Variants in TXNRD1 observed in about 807,000 individuals in gnomAD.
The protein encoded by TXNRD1 is thioredoxin reductase 1, cytoplasmic.
Under a neutral mutation model 80.3 loss-of-function variants are expected in TXNRD1, and 57 were observed. The observed-to-expected ratio is 0.71, with a 90% CI of 0.57 to 0.89. The LOEUF (loss-of-function observed/expected upper bound fraction) is 0.89, where lower values mean the gene tolerates loss of function less well. Ranked by LOEUF, TXNRD1 falls within the 40% of genes least tolerant of loss-of-function variation. The pLI, the probability that TXNRD1 is intolerant of heterozygous loss-of-function variation, is 0.00. For missense variants in TXNRD1, 730 were observed against 803.0 expected, an observed-to-expected ratio of 0.91 and a Z score of 1.10; for synonymous variants, 291 against 285.2, an observed-to-expected ratio of 1.02 and a Z score of -0.20.
At chr12:104,344,186 G>A (rs1320989506) in intron 16 of TXNRD1, among the ~76,000 whole-genome samples, 2 of 152,198 alleles carry the variant, frequency 1.3e-5, no homozygotes, top group African/African-American at 4.8e-5. Context: ...AGAGTTCCTG[G>A]CATTTAATAG....
intron 3 of TXNRD1, among the ~76,000 whole-genome samples, chr12:104,286,449 T>C (rs2033972540): frequency 6.6e-6 from 1 of 152,244 alleles, no homozygotes; most frequent in Non-Finnish European, 1.5e-5. Flanking sequence ...GTCATTTCTT[T>C]TCAGGATTAG....
intron 15 of TXNRD1, among the ~76,000 whole-genome samples, chr12:104,338,136 A>G (rs367697321): frequency 5.3e-5 from 8 of 151,796 alleles, no homozygotes; most frequent in African/African-American, 9.6e-5. Flanking sequence ...GGTCCCAGCT[A>G]TTACAGATAG....
rs2036449586 is a variant in TXNRD1, at chr12:104,345,112, G to A, written c.1882-3241G>A. Among the ~76,000 whole-genome samples, 5 of 152,270 alleles carry A rather than the reference G, an allele frequency of 3.3e-5. No homozygotes were observed. In the South Asian group the frequency reaches 1.0e-3, roughly 32 times the overall value. ...TAGAAGGCTAGAAACGAAGAAGAAA[G>A]TTTAGAAATTTTAACAATAATTTGA... On this transcript the variant is annotated intron_variant, in intron 16 of 16. Coordinates refer to ENST00000525566, the MANE Select transcript of TXNRD1 (RefSeq NM_001093771.3).
At chr12:104,235,575 G>A (rs1774294243) in intron 1 of TXNRD1, among the ~76,000 whole-genome samples, 1 of 152,144 alleles carries the variant, frequency 6.6e-6, no homozygotes, top group Non-Finnish European at 1.5e-5. Context: ...CAGTAAAAGG[G>A]ATAATAAGGA....
chr12:104,334,838 A>G (rs1324588334), intron 15 of TXNRD1, among the ~76,000 whole-genome samples: 1 of 152,226 alleles, frequency 6.6e-6, no homozygotes, highest in Non-Finnish European at 1.5e-5. Context: ...CACTTAGTCA[A>G]CAGGCAGCCA....
intron 2 of TXNRD1, among the ~76,000 whole-genome samples, chr12:104,255,717 C>T (rs1247046138): frequency 6.6e-6 from 1 of 152,034 alleles, no homozygotes; most frequent in Non-Finnish European, 1.5e-5. Context: ...TGCTTGAACC[C>T]GGGAGGCAGA....
At chr12:104,235,283 G>T (rs569312928) in intron 1 of TXNRD1, among the ~76,000 whole-genome samples, 2 of 152,292 alleles carry the variant, frequency 1.3e-5, no homozygotes, top group African/African-American at 4.8e-5. Context: ...AAATGGAGCA[G>T]GGGTGGGGGC....
intron 13 of TXNRD1, among the ~76,000 whole-genome samples, chr12:104,328,572 T>A (rs1375450451): frequency 6.6e-6 from 1 of 152,084 alleles, no homozygotes; most frequent in Non-Finnish European, 1.5e-5. Flanking sequence ...CTGGCTAACA[T>A]GGTGAAACCC....
intron 2 of TXNRD1, among the ~76,000 whole-genome samples, chr12:104,257,462 A>G (rs2033282085): frequency 7.4e-6 from 1 of 134,982 alleles, no homozygotes; most frequent in African/African-American, 2.9e-5. Flanking sequence ...GCTGGAGTGC[A>G]GTGGTACAAT....
chr12:104,263,396 G>A (rs544851095), intron 3 of TXNRD1, among the ~76,000 whole-genome samples: 1 of 152,188 alleles, frequency 6.6e-6, no homozygotes, highest in African/African-American at 2.4e-5. Context: ...TAATGTTCAT[G>A]GTGTCGATAT....
At chr12:104,291,123 A>C in intron 4 of TXNRD1, 1 of 626,892 alleles carries the variant, frequency 1.6e-6, no homozygotes, top group East Asian at 3.0e-5. Context: ...CCATGAATGA[A>C]AAGCATACCA....
chr12:104,332,995 T>TACTC (rs1485646771), intron 14 of TXNRD1, among the ~76,000 whole-genome samples: 1 of 151,886 alleles, frequency 6.6e-6, no homozygotes, highest in African/African-American at 2.4e-5. Context: ...TTGATGAAGT[T>TACTC]ACAGTTTTAG....
chr12:104,265,268 AAC>A, intron 3 of TXNRD1: 1 of 1,527,148 alleles, frequency 6.5e-7, no homozygotes, highest in Non-Finnish European at 8.8e-7. Flanking sequence ...AAAAAAAAAA[AAC>A]TTCCTTTTGC....
intron 3 of TXNRD1, among the ~76,000 whole-genome samples, chr12:104,275,346 T>C (rs1330045474): frequency 6.6e-6 from 1 of 152,096 alleles, no homozygotes; most frequent in Non-Finnish European, 1.5e-5. Flanking sequence ...AATGAGAATA[T>C]ATGCACTGCG....
At chr12:104,308,105 C>T (rs969552643) in intron 4 of TXNRD1, among the ~76,000 whole-genome samples, 4 of 151,930 alleles carry the variant, frequency 2.6e-5, no homozygotes, top group African/African-American at 7.3e-5. Flanking sequence ...ACGCCATTCT[C>T]CTGCCTCAGC....
intron 3 of TXNRD1, among the ~76,000 whole-genome samples, chr12:104,276,228 T>C (rs1002876144): frequency 1.3e-5 from 2 of 152,184 alleles, no homozygotes; most frequent in Non-Finnish European, 2.9e-5. Flanking sequence ...GGAATTGGGA[T>C]AGGTTATAGG....
At chr12:104,287,898 A>G (rs527860442) in intron 3 of TXNRD1, among the ~76,000 whole-genome samples, 1 of 152,326 alleles carries the variant, frequency 6.6e-6, no homozygotes, top group South Asian at 2.1e-4. Flanking sequence ...TGTGAAGTTG[A>G]AATGTAAATA....
At chr12:104,311,906 T>C (rs371207965) in intron 5 of TXNRD1, among the ~76,000 whole-genome samples, 7 of 152,036 alleles carry the variant, frequency 4.6e-5, no homozygotes, top group African/African-American at 9.6e-5. Context: ...GCTTGAACCT[T>C]GGAGGCCGAG....
At chr12:104,301,264 T>G (rs2034615398) in intron 4 of TXNRD1, among the ~76,000 whole-genome samples, 1 of 152,242 alleles carries the variant, frequency 6.6e-6, no homozygotes, top group Non-Finnish European at 1.5e-5. Flanking sequence ...TTCCTTCCTC[T>G]GAGCCAGAAG....
Sources: allele counts gnomAD v4.1 joint callset (sites outside exome capture counted in the v4.1 genomes callset), GRCh38; gene constraint gnomAD v4.1.1; transcripts MANE v1.5; gene names NCBI Gene and HGNC (gene_info 2026-07-23, HGNC 2026-07-21).